TTN: variants seen among roughly 807,000 people sequenced by gnomAD.
TTN encodes titin, also known as connectin.
Under a neutral mutation model 3,223.0 loss-of-function variants are expected in TTN, and 1,525 were observed. The observed-to-expected ratio is 0.47, with a 90% CI of 0.45 to 0.49. The LOEUF (loss-of-function observed/expected upper bound fraction) is 0.49. Ranked by LOEUF, TTN falls within the 20% of genes least tolerant of loss-of-function variation. The pLI is 0.00. For missense variants in TTN, 40,786 were observed against 43,424.0 expected (o/e 0.94, Z 5.40); for synonymous variants, 14,094 against 15,161.0 (o/e 0.93, Z 5.17).
intron 133 of TTN, 125 bp downstream of exon 133, chr2:178,683,874 A>T: frequency 1.6e-6 from 1 of 635,152 alleles, no homozygotes; most frequent in Non-Finnish European, 2.4e-6. Context: ...GATATGCATT[A>T]ACAAACTTAT....
In TTN at chr2:178,561,829, T is replaced by A. The variant is rs371905053; in HGVS notation, c.84303A>T (p.Thr28101=). 1.2e-6 allele frequency: 2 copies of A among 1,613,598 alleles called. No homozygotes were observed. The highest frequency in any genetic ancestry group is 2.7e-5 in the African/African-American group (2 of 74,926). ...CAACTGCTTGTGAAACTATGTGCCA[T>A]GTTGTAGAGGTGGTTTCTTTCTTTT... is the stretch of plus-strand genomic sequence containing the variant. The part of the protein sequence containing the change: ...IVEKKETTST[T]WHIVSQAVAR... The change falls in exon 326 of 363, where the codon ACA becomes ACT. Residue 28101 remains threonine (T), a synonymous_variant. Coordinates refer to ENST00000589042, the MANE Select transcript of TTN (RefSeq NM_001267550.2).
At position 178,715,049 on chromosome 2, in the gene TTN, A is replaced by C; in HGVS notation, c.26137T>G (p.Tyr8713Asp). 1 of 1,613,620 alleles carries C rather than the reference A, an allele frequency of 6.2e-7. No homozygotes were observed. Among genetic ancestry groups the C allele is most frequent in the Non-Finnish European group, 8.5e-7 (1 of 1,179,656 alleles). Residue 8713 changes from tyrosine to aspartate, a missense_variant, in exon 90 of 363, where the codon TAT becomes GAT. Transcript: ENST00000589042. The part of the protein sequence containing the change: ...LNVDAADIGE[Y>D]QCKATNDVGS... ...ACATCATTTGTGGCTTTACACTGAT[A>C]TTCCCCAATGTCTGCAGCATCGACA...
rs779603870 is a variant in TTN at position 178,770,179 on chromosome 2, C to T, written c.8522G>A (p.Arg2841Lys). 1.2e-6 allele frequency: 2 copies of T among 1,614,138 alleles called. No individual in the cohort carries two copies. Among genetic ancestry groups the T allele is most frequent in the Admixed American group, 1.7e-5 (1 of 60,018 alleles). The change falls in exon 36 of 363, where the codon AGA becomes AAA. Residue 2841 changes from arginine to lysine, a missense_variant. Transcript: ENST00000589042. ...SVEIKPSDKH[R>K]LVSERKVHKL... ...GTGGACTTTCCTTTCTGAGACCAGT[C>T]TGTGTTTGTCACTTGGCTTAATTTC...
chr2:178,625,769 C>G (rs1458410522), intron 240 of TTN, among the ~76,000 whole-genome samples: 1 of 151,864 alleles, frequency 6.6e-6, no homozygotes, highest in African/African-American at 2.4e-5. Flanking sequence ...TTCACAATAG[C>G]AAAGACTTGG....
intron 89 of TTN, 52 bp downstream of exon 89, chr2:178,715,441 C>A: frequency 6.4e-7 from 1 of 1,558,084 alleles, no homozygotes; most frequent in Non-Finnish European, 8.7e-7. Flanking sequence ...GTTAAGAGGA[C>A]AATTAAAGAG....
At position 178,718,746 on chromosome 2, in the gene TTN, C is replaced by A. The variant is rs397517507; in HGVS notation, c.24454G>T (p.Val8152Phe). The change falls in exon 84 of 363, where the codon GTT becomes TTT. Residue 8152 changes from valine to phenylalanine, a missense_variant. Val to Phe is a conservative substitution (Grantham distance 50, BLOSUM62 -1). Transcript: ENST00000589042. ...GAAGCACTGCCAGCATCATTTGTAA[C>A]GAGGCAAGAATAGTCTCCACTTTCT... ...PLESGDYSCL[V>F]TNDAGSASCT... 4 of 1,613,728 alleles carry A rather than the reference C, an allele frequency of 2.5e-6. No individual in the cohort carries two copies. The highest frequency in any genetic ancestry group is 1.7e-4 in the Middle Eastern group (1 of 6,058).
At chr2:178,781,067 A>T in intron 21 of TTN, 54 bp downstream of exon 21, 1 of 1,612,356 alleles carries the variant, frequency 6.2e-7, no homozygotes, top group Non-Finnish European at 8.5e-7. Flanking sequence ...CAGCACTGCT[A>T]TCTCCTTGTA....
In TTN at chr2:178,712,844, G is replaced by C. The variant is rs772373852; in HGVS notation, c.27181C>G (p.Pro9061Ala). 2.5e-6 allele frequency: 4 copies of C among 1,613,782 alleles called. No homozygotes were observed. In the South Asian group the frequency reaches 4.4e-5, roughly 18 times the overall value. Reference protein sequence around the residue: ...SWFKGSSELVPGDRCNVSLED... With the variant: ...SWFKGSSELVAGDRCNVSLED... The stretch of plus-strand genomic sequence containing the variant: ...AAAGACACGTTGCATCTGTCACCTG[G>C]TACTAGTTCACTGCTACCTTTGAAC... The change falls in exon 94 of 363, where the codon CCA (proline) becomes GCA (alanine). Residue 9061 changes from proline (P) to alanine (A), a missense_variant. Pro to Ala is a conservative substitution (Grantham distance 27). Transcript: ENST00000589042.
At position 178,565,366 on chromosome 2, in the gene TTN, C is replaced by T. The variant is rs1705359683; in HGVS notation, c.80766G>A (p.Gln26922=). Residue 26922 remains glutamine (Q), a synonymous_variant, in exon 326 of 363, where the codon CAG becomes CAA. Transcript: ENST00000589042. The part of the protein sequence containing the change: ...SWVKDGEPLK[Q]TTRVNVEETA... ...TTTCTTCAACGTTTACTCTTGTTGT[C>T]TGTTTAAGAGGCTCACCATCTTTGA... 6.2e-7 allele frequency: 1 copy of T among 1,613,452 alleles called. No individual in the cohort carries two copies. Among genetic ancestry groups the T allele is most frequent in the South Asian group, 1.1e-5 (1 of 91,068 alleles).
At chr2:178,635,926 C>T (rs2154229861) in intron 226 of TTN, 37 bp downstream of exon 226, 2 of 1,549,930 alleles carry the variant, frequency 1.3e-6, no homozygotes, top group African/African-American at 2.8e-5. Context: ...CTTAGTGTAA[C>T]AATAAGCAGA....
Position 178,551,009 on chromosome 2 carries a change from G to A in TTN, c.91522C>T (p.Pro30508Ser). ...ARNAVGTISPPSQSSGIIMTR... is the reference protein window; with the variant it reads ...ARNAVGTISPSSQSSGIIMTR... ...ATAATAATGCCAGAAGACTGTGAGG[G>A]CGGGCTTATAGTTCCAACAGCATTT... The change falls in exon 336 of 363, where the codon CCC (proline) becomes TCC (serine). Residue 30508 changes from proline to serine, a missense_variant. Physicochemically the swap from Pro to Ser is moderately conservative, Grantham distance 74. Coordinates refer to ENST00000589042, the MANE Select transcript of TTN (RefSeq NM_001267550.2). 1 of 1,613,342 alleles carries A rather than the reference G, an allele frequency of 6.2e-7. No individual in the cohort carries two copies.
Position 178,774,298 on chromosome 2 carries a change from G to A in TTN, c.6966C>T (p.Asn2322=). 1 of 1,614,094 alleles carries A rather than the reference G, an allele frequency of 6.2e-7. No individual in the cohort carries two copies. The highest frequency in any genetic ancestry group is 8.5e-7 in the Non-Finnish European group (1 of 1,179,984). The change falls in exon 30 of 363, where the codon AAC becomes AAT. Residue 2322 remains asparagine (N), a synonymous_variant. Coordinates refer to ENST00000589042, the MANE Select transcript of TTN (RefSeq NM_001267550.2). ...YTITSRRGRQ[N]LTVKDVTKED... Reference sequence around the variant, plus strand: ...CCTTGGTTACATCCTTGACCGTGAGGTTCTGACGTCCACGACGAGATGTAA... The same window carrying A: ...CCTTGGTTACATCCTTGACCGTGAGATTCTGACGTCCACGACGAGATGTAA...
Position 178,722,294 on chromosome 2 carries a change from C to T in TTN, c.22493G>A (p.Gly7498Glu). Residue 7498 changes from glycine (G) to glutamate (E), a missense_variant, in exon 77 of 363, where the codon GGA becomes GAA. Physicochemically the swap from Gly to Glu is moderately conservative, Grantham distance 98. Coordinates refer to ENST00000589042, the MANE Select transcript of TTN (RefSeq NM_001267550.2). ...QYSCSASNPL[G>E]TASSSARLTA... ...GAGTCTAGCACTAGAAGATGCTGTT[C>T]CAAGTGGGTTGGAAGCTGAGCAAGA... The T allele has an allele frequency of 6.2e-7, 1 of 1,607,572 alleles. No individual in the cohort carries two copies. Among genetic ancestry groups the T allele is most frequent in the East Asian group, 2.2e-5 (1 of 44,814 alleles).
rs761453557 is a variant in TTN, at chr2:178,550,212, C to T, written c.91626G>A (p.Glu30542=). 2.5e-6 allele frequency: 4 copies of T among 1,613,518 alleles called. No individual in the cohort carries two copies. Among genetic ancestry groups the T allele is most frequent in the Admixed American group, 1.7e-5 (1 of 59,976 alleles). Residue 30542 remains glutamate (E), a synonymous_variant, in exon 337 of 363, where the codon GAG becomes GAA. Coordinates refer to ENST00000589042, the MANE Select transcript of TTN (RefSeq NM_001267550.2). ...GTACCAAAGCTTTAATTCTAAGGCT[C>T]TCTCCGGACTTAATAATGAGACCAT... ...YFDGLIIKSG[E]SLRIKALVQG...
In TTN at chr2:178,776,556, T is replaced by C. The variant is rs780733773; in HGVS notation, c.5308A>G (p.Arg1770Gly). The change falls in exon 28 of 363, where the codon AGA becomes GGA. Residue 1770 changes from arginine (R) to glycine (G), a missense_variant. By Grantham distance (125) the Arg-to-Gly change is moderately radical (BLOSUM62 -2). Coordinates refer to ENST00000589042, the MANE Select transcript of TTN (RefSeq NM_001267550.2). ...CTGCAAGTAATGATACCACTGTCTC[T>C]AGAATATGCAACGCCATAATCAAGG... is the stretch of plus-strand genomic sequence containing the variant. ...CSLDYGVAYS[R>G]DSGIITCRAT... 1.1e-5 allele frequency: 17 copies of C among 1,612,674 alleles called. No homozygotes were observed. The highest frequency in any genetic ancestry group is 6.7e-5 in the Admixed American group (4 of 60,010).
At position 178,615,418 on chromosome 2, in the gene TTN, C is replaced by T. The variant is rs869312048; in HGVS notation, c.48527G>A (p.Trp16176Ter). The change falls in exon 259 of 363, where the codon TGG (tryptophan) becomes TAG (stop). Residue 16176 changes from tryptophan (W) to a stop codon, truncating the protein, a stop_gained. Transcript: ENST00000589042. LOFTEE classifies it high-confidence loss of function. Reference sequence around the variant, plus strand: ...ACCACCATCATTTTTAGGTGGATCCCATGTTAAGAAGATGCTATTGGCTGT... The same window carrying T: ...ACCACCATCATTTTTAGGTGGATCCTATGTTAAGAAGATGCTATTGGCTGT... The part of the protein sequence containing the change: ...DRTANSIFLT[W>*]DPPKNDGGSR... The T allele has an allele frequency of 6.2e-7, 1 of 1,612,422 alleles. No homozygotes were observed. Among genetic ancestry groups the T allele is most frequent in the African/African-American group, 1.3e-5 (1 of 74,768 alleles).
In TTN at chr2:178,776,450, T is replaced by G. The variant is rs1561291426; in HGVS notation, c.5414A>C (p.Gln1805Pro). The G allele has an allele frequency of 1.2e-6, 2 of 1,608,850 alleles. No homozygotes were observed. Among genetic ancestry groups the G allele is most frequent in the Non-Finnish European group, 1.7e-6 (2 of 1,179,964 alleles). Residue 1805 changes from glutamine to proline, a missense_variant, in exon 28 of 363, where the codon CAA becomes CCA. Transcript: ENST00000589042. The stretch of plus-strand genomic sequence containing the variant: ...TAAGCCTTTCCTCCCCTCAGGCAAT[T>G]GGGATTCTTCCACAAGACTTTTCTC... ...KDEKSLVEES[Q>P]LPEGRKGLQR...
chr2:178,749,483 C>T, intron 47 of TTN: 1 of 1,612,844 alleles, frequency 6.2e-7, no homozygotes, highest in Non-Finnish European at 8.5e-7. Flanking sequence ...AAAATAGTCC[C>T]TTACTGAATA....
In TTN at chr2:178,540,107, C is replaced by A. The variant is rs2154140466; in HGVS notation, c.98059G>T (p.Ala32687Ser). 6.2e-7 allele frequency: 1 copy of A among 1,609,114 alleles called. No individual in the cohort carries two copies. The highest frequency in any genetic ancestry group is 8.5e-7 in the Non-Finnish European group (1 of 1,176,382). Reference sequence around the variant, plus strand: ...ACTTTGACTGTTCCTGGTACCTCAGCAGGCTCACCAGGTCCACCAGCATTA... The same window carrying A: ...ACTTTGACTGTTCCTGGTACCTCAGAAGGCTCACCAGGTCCACCAGCATTA... The part of the protein sequence containing the change: ...ACNAGGPGEP[A>S]EVPGTVKVTE... Residue 32687 changes from alanine (A) to serine (S), a missense_variant, in exon 351 of 363, where the codon GCT becomes TCT. Coordinates refer to ENST00000589042, the MANE Select transcript of TTN (RefSeq NM_001267550.2).
Sources: allele counts gnomAD v4.1 joint callset (sites outside exome capture counted in the v4.1 genomes callset), GRCh38; gene constraint gnomAD v4.1.1; transcripts MANE v1.5; gene names NCBI Gene and HGNC (gene_info 2026-07-23, HGNC 2026-07-21).